NUP62CL: variants seen among roughly 807,000 people sequenced by gnomAD.
NUP62CL encodes the protein nucleoporin-62 C-terminal-like protein.
NUP62CL carries 13 observed loss-of-function variants against 15.3 expected under a neutral mutation model. The observed-to-expected ratio is 0.85, with a 90% CI of 0.55 to 1.35. The LOEUF (loss-of-function observed/expected upper bound fraction) is 1.35, where lower values mean the gene tolerates loss of function less well. Among genes scored for constraint, NUP62CL ranks in the 40% most tolerant of loss-of-function variants. The pLI is 0.00. For missense variants in NUP62CL, 123 were observed against 130.6 expected (o/e 0.94, Z 0.28); for synonymous variants, 54 against 49.2 (o/e 1.10, Z -0.41).
At chrX:107,202,952 G>A (rs984834645) in intron 1 of NUP62CL, among the ~76,000 whole-genome samples, 2 of 101,173 alleles carry the variant, frequency 2.0e-5, no homozygotes, top group Admixed American at 1.1e-4. Context: ...CACTCCAGCT[G>A]GGCCGACAGA....
At chrX:107,150,897 G>A (rs1925993745) in intron 7 of NUP62CL, 2 of 341,353 alleles carry the variant, frequency 5.9e-6, no homozygotes, top group Non-Finnish European at 1.2e-5. Context: ...GTATTCAGGT[G>A]ATTAACAACG....
intron 4 of NUP62CL, among the ~76,000 whole-genome samples, chrX:107,160,915 G>C (rs1481873239): frequency 3.7e-5 from 4 of 108,085 alleles, no homozygotes; most frequent in African/African-American, 1.0e-4. Flanking sequence ...AATCTACAAT[G>C]AACTCAAACA....
chrX:107,144,857 T>A (rs1925850877), intron 8 of NUP62CL, among the ~76,000 whole-genome samples: 2 of 111,641 alleles, frequency 1.8e-5, no homozygotes, highest in Admixed American at 9.6e-5. Flanking sequence ...CATAGTAAAT[T>A]CTGATAATCA....
chrX:107,203,690 A>T (rs1281059147), intron 1 of NUP62CL, among the ~76,000 whole-genome samples: 1 of 111,855 alleles, frequency 8.9e-6, no homozygotes, highest in Non-Finnish European at 1.9e-5. Context: ...CACAGAAAAA[A>T]ATTTCCAAAA....
intron 1 of NUP62CL, among the ~76,000 whole-genome samples, chrX:107,198,786 C>G (rs993561628): frequency 8.9e-6 from 1 of 111,870 alleles, no homozygotes; most frequent in African/African-American, 3.3e-5. Context: ...CCGGACACAC[C>G]ATCTTTAAGA....
intron 2 of NUP62CL, among the ~76,000 whole-genome samples, chrX:107,183,290 G>A (rs1926960503): frequency 9.1e-6 from 1 of 109,696 alleles, no homozygotes; most frequent in South Asian, 4.0e-4. Context: ...ACCCCAGGAC[G>A]TTACATATAA....
chrX:107,153,048 AG>A (rs1473746907), intron 7 of NUP62CL, 123 bp downstream of exon 7: 1 of 574,870 alleles, frequency 1.7e-6, no homozygotes, highest in Admixed American at 3.8e-5. Flanking sequence ...CAACTACAAA[AG>A]CTTGTCCCTT....
At chrX:107,163,985 A>T (rs1421590876) in intron 4 of NUP62CL, among the ~76,000 whole-genome samples, 1 of 112,404 alleles carries the variant, frequency 8.9e-6, no homozygotes, top group African/African-American at 3.2e-5. Flanking sequence ...ACAGTATCTG[A>T]AATTACAGTG....
At position 107,203,167 on chromosome X, in the gene NUP62CL, A is replaced by C. The variant is rs188617349; in HGVS notation, c.-92+3106T>G. On this transcript the variant is annotated intron_variant, in intron 1 of 8. Transcript: ENST00000372466. ...TAGGCTTCCTATTGAGCTCACTGTT[A>C]TGTAAGACATAAGTTATAGAAATGA... is the stretch of plus-strand genomic sequence containing the variant. Among the ~76,000 whole-genome samples, 11 of 109,022 alleles carry C rather than the reference A, an allele frequency of 1.0e-4. No homozygotes were observed. The East Asian group carries it at 3.2e-3, about 31-fold the overall frequency. The allele number at this position is 109,022 out of a possible 115,157, so 94.7% of individuals were successfully genotyped here.
intron 2 of NUP62CL, among the ~76,000 whole-genome samples, chrX:107,185,046 A>G (rs1927020388): frequency 1.8e-5 from 2 of 110,413 alleles, no homozygotes; most frequent in South Asian, 7.8e-4. Flanking sequence ...AAGCTCAGAA[A>G]ATCTGTTGCC....
rs1925317383 is a variant in NUP62CL, at chrX:107,123,725, A to G, written c.*650T>C. The G allele has an allele frequency of 8.9e-6, 1 of 112,063 alleles. No individual in the cohort carries two copies. The highest frequency in any genetic ancestry group is 1.9e-5 in the Non-Finnish European group (1 of 53,201). 9.2% of individuals were successfully genotyped at this position (112,063 alleles called of 1,213,427 possible). Reference sequence around the variant, plus strand: ...ACTTACCTTTCCTTAACCCTTTAATAATAATCTACCCTAACTTTTCCTCCC... The same window carrying G: ...ACTTACCTTTCCTTAACCCTTTAATGATAATCTACCCTAACTTTTCCTCCC... On this transcript the variant is annotated 3_prime_UTR_variant, in exon 9 of 9. Transcript: ENST00000372466.
At chrX:107,179,015 AAAC>A (rs1926849736) in intron 2 of NUP62CL, among the ~76,000 whole-genome samples, 1 of 109,093 alleles carries the variant, frequency 9.2e-6, no homozygotes. Context: ...GAATCGCTTG[AAAC>A]CAGGAGGCGG....
rs1402577455 is a variant in NUP62CL at position 107,206,411 on chromosome X, C to T, written c.-230G>A. On this transcript the variant is annotated 5_prime_UTR_variant, in exon 1 of 9. Transcript: ENST00000372466. Reference sequence around the variant, plus strand: ...GGCCTCCTTAGTGGGCAGGTTCCCGCTGAAGTGAAGCTAACCGAGACTGAG... The same window carrying T: ...GGCCTCCTTAGTGGGCAGGTTCCCGTTGAAGTGAAGCTAACCGAGACTGAG... The T allele has an allele frequency of 9.1e-6, 1 of 110,149 alleles. No individual in the cohort carries two copies. Among genetic ancestry groups the T allele is most frequent in the Non-Finnish European group, 1.9e-5 (1 of 52,752 alleles). The allele number at this position is 110,149 out of a possible 1,213,427, so 9.1% of individuals were successfully genotyped here.
chrX:107,204,807 T>TTTTAAATAAATTA (rs1927605481), intron 1 of NUP62CL, among the ~76,000 whole-genome samples: 1 of 87,872 alleles, frequency 1.1e-5, no homozygotes, highest in Non-Finnish European at 2.1e-5. Flanking sequence ...TTTAAATAAA[T>TTTTAAATAAATTA]TTTAAATAAA....
intron 8 of NUP62CL, among the ~76,000 whole-genome samples, chrX:107,132,734 G>C (rs1344591895): frequency 8.9e-6 from 1 of 112,189 alleles, no homozygotes; most frequent in East Asian, 2.8e-4. Flanking sequence ...ACTCTTGCCT[G>C]GGTGACACAG....
chrX:107,158,507 A>G (rs1421299376), intron 4 of NUP62CL, among the ~76,000 whole-genome samples: 1 of 82,329 alleles, frequency 1.2e-5, no homozygotes, highest in Non-Finnish European at 2.1e-5. Flanking sequence ...ATGGAAACTG[A>G]ACAACCTACT....
Position 107,205,175 on chromosome X carries a change from G to A in NUP62CL, c.-92+1098C>T, listed in dbSNP as rs943413207. The stretch of plus-strand genomic sequence containing the variant: ...AATATAAAATTTATTTCTTACTGTC[G>A]GTCACAGTCAAAAGGTCTGAAAAAC... On this transcript the variant is annotated intron_variant, in intron 1 of 8. Transcript: ENST00000372466. Among the ~76,000 whole-genome samples, 12 of 110,909 alleles carry A rather than the reference G, an allele frequency of 1.1e-4. No individual in the cohort carries two copies. The South Asian group carries it at 1.5e-3, about 14-fold the overall frequency.
At chrX:107,137,277 T>A (rs1925663581) in intron 8 of NUP62CL, among the ~76,000 whole-genome samples, 1 of 111,064 alleles carries the variant, frequency 9.0e-6, no homozygotes, top group South Asian at 3.8e-4. Flanking sequence ...AATCTACAAA[T>A]AACATCATAC....
intron 4 of NUP62CL, among the ~76,000 whole-genome samples, chrX:107,165,797 C>T (rs1926503496): frequency 9.0e-6 from 1 of 111,524 alleles, no homozygotes. Flanking sequence ...AAAAGCAATT[C>T]AGGGGGGAAG....
Sources: allele counts gnomAD v4.1 joint callset (sites outside exome capture counted in the v4.1 genomes callset), GRCh38; gene constraint gnomAD v4.1.1; transcripts MANE v1.5; gene names NCBI Gene and HGNC (gene_info 2026-07-23, HGNC 2026-07-21).